FLRT1: variants seen among roughly 807,000 people sequenced by gnomAD.
FLRT1 encodes the protein leucine-rich repeat transmembrane protein FLRT1.
Under a neutral mutation model 30.9 loss-of-function variants are expected in FLRT1, and 14 were observed. The observed-to-expected ratio is 0.45, with a 90% confidence interval of 0.30 to 0.71. The LOEUF is 0.71. Among genes scored for constraint, FLRT1 ranks in the 30% least tolerant of loss-of-function variants. The pLI, the probability that FLRT1 is intolerant of heterozygous loss-of-function variation, is 0.08. For missense variants in FLRT1, 737 were observed against 949.2 expected (o/e 0.78, Z 2.94); for synonymous variants, 368 against 430.4 (o/e 0.85, Z 1.80).
intron 1 of FLRT1, among the ~76,000 whole-genome samples, chr11:64,085,160 T>C (rs1008370589): frequency 2.0e-5 from 3 of 152,182 alleles, no homozygotes; most frequent in Admixed American, 1.3e-4. Context: ...GGATGGGGCT[T>C]GAGGGCAGAG....
chr11:64,083,516 T>C (rs1466186175), intron 1 of FLRT1, among the ~76,000 whole-genome samples: 2 of 152,216 alleles, frequency 1.3e-5, no homozygotes, highest in South Asian at 4.1e-4. Context: ...CCTGGCTTTT[T>C]TCCATCCCGT....
At chr11:64,040,222 C>T (rs899294288) in intron 1 of FLRT1, among the ~76,000 whole-genome samples, 1 of 147,482 alleles carries the variant, frequency 6.8e-6, no homozygotes, top group African/African-American at 2.5e-5. Flanking sequence ...TCTGAAGGCG[C>T]AAAGTGGTGA....
intron 1 of FLRT1, among the ~76,000 whole-genome samples, chr11:64,050,195 C>T (rs929019926): frequency 6.6e-6 from 1 of 152,114 alleles, no homozygotes; most frequent in African/African-American, 2.4e-5. Context: ...CCCTCCCTCC[C>T]TAGACCCCAG....
chr11:64,093,105 G>C (rs927751162), intron 1 of FLRT1, among the ~76,000 whole-genome samples: 10 of 152,192 alleles, frequency 6.6e-5, no homozygotes, highest in African/African-American at 2.4e-4. Flanking sequence ...CCCTGGGCAG[G>C]CTCCTGAATA....
At chr11:64,105,267 G>A (rs1285685119) in intron 2 of FLRT1, among the ~76,000 whole-genome samples, 4 of 152,192 alleles carry the variant, frequency 2.6e-5, no homozygotes, top group Admixed American at 6.5e-5. Flanking sequence ...TGCCCCTCTA[G>A]TCCCTAGGAG....
chr11:64,067,499 G>A lies in FLRT1; in HGVS notation c.-1038+31340G>A, dbSNP rs910178278. On this transcript the variant is annotated intron_variant, in intron 1 of 2. Coordinates refer to ENST00000682287, the MANE Select transcript of FLRT1 (RefSeq NM_013280.5). The surrounding 1 kb of genome is among the most constrained non-coding windows in gnomAD (Gnocchi z 4.6). ...AGAAGGGAGGAGATAGGTCGGGGACGGGGACAGACGGCACCTCCCCAACTC... is the reference window on the plus strand; with the variant it reads ...AGAAGGGAGGAGATAGGTCGGGGACAGGGACAGACGGCACCTCCCCAACTC... Among the ~76,000 whole-genome samples, 5 of 152,192 alleles carry A rather than the reference G, an allele frequency of 3.3e-5. No homozygotes were observed. The highest frequency in any genetic ancestry group is 2.1e-4 in the South Asian group (1 of 4,820).
At chr11:64,057,904 G>A (rs1943820537) in intron 1 of FLRT1, among the ~76,000 whole-genome samples, 2 of 152,208 alleles carry the variant, frequency 1.3e-5, no homozygotes, top group Non-Finnish European at 2.9e-5. Flanking sequence ...ACTCATGTGG[G>A]TGCAACCCCA....
In FLRT1 at chr11:64,114,194, A is replaced by AGATG. The variant is rs1224090833; in HGVS notation, c.-49-2004_-49-2001dup. Among the ~76,000 whole-genome samples, 10 of 119,062 alleles carry AGATG rather than the reference A, an allele frequency of 8.4e-5. No individual in the cohort carries two copies. In the East Asian group the frequency reaches 8.8e-4, roughly 11 times the overall value. 78.1% of individuals were successfully genotyped at this position (119,062 alleles called of 152,430 possible). ...TGGATGCCTGGATGGATGGATGGTT[A>AGATG]GATGGATGGATGGATGGATGGATGA... On this transcript the variant is annotated intron_variant, in intron 2 of 2. Coordinates refer to ENST00000682287, the MANE Select transcript of FLRT1 (RefSeq NM_013280.5).
Position 64,048,645 on chromosome 11 carries a change from G to A in FLRT1, c.-1038+12486G>A, listed in dbSNP as rs574699737. Among the ~76,000 whole-genome samples, 88 of 152,260 alleles carry A rather than the reference G, an allele frequency of 5.8e-4. 2 individuals are homozygous for A. The highest frequency in any genetic ancestry group is 5.6e-3 in the Admixed American group (85 of 15,306). ...GTTCCTGCCGCTAAGCACTTTATGC[G>A]TCATCACCGATTCCTTAAAGCAGCC... On this transcript the variant is annotated intron_variant, in intron 1 of 2. Transcript: ENST00000682287.
chr11:64,049,170 C>T (rs992906208), intron 1 of FLRT1, among the ~76,000 whole-genome samples: 2 of 152,162 alleles, frequency 1.3e-5, no homozygotes, highest in Non-Finnish European at 2.9e-5. Context: ...TGGGGGACTT[C>T]AGGGCTGAGC....
chr11:64,117,194 G>A lies in FLRT1; in HGVS notation c.927G>A (p.Leu309=). The change falls in exon 3 of 3, where the codon CTG becomes CTA. Residue 309 remains leucine, a synonymous_variant. Coordinates refer to ENST00000682287, the MANE Select transcript of FLRT1 (RefSeq NM_013280.5). ...LDLSNNNLTT[L]PRGLFDDLGN... ...TGTCCAACAACAACCTGACCACGCT[G>A]CCCCGCGGCCTGTTCGACGACCTGG... 1 of 1,614,066 alleles carries A rather than the reference G, an allele frequency of 6.2e-7. No homozygotes were observed. The highest frequency in any genetic ancestry group is 1.1e-5 in the South Asian group (1 of 91,076).
intron 2 of FLRT1, among the ~76,000 whole-genome samples, chr11:64,112,197 C>A (rs1261282663): frequency 4.6e-5 from 7 of 152,114 alleles, no homozygotes; most frequent in Non-Finnish European, 7.4e-5. Flanking sequence ...GTAGAGCGTA[C>A]CTTCTAGTGG....
chr11:64,097,199 T>C (rs1379131821), intron 1 of FLRT1, among the ~76,000 whole-genome samples: 1 of 152,162 alleles, frequency 6.6e-6, no homozygotes, highest in Non-Finnish European at 1.5e-5. Flanking sequence ...GAACTGGGCC[T>C]CCAGACCCCC....
chr11:64,079,685 G>C (rs1346729023), intron 1 of FLRT1, among the ~76,000 whole-genome samples: 3 of 152,128 alleles, frequency 2.0e-5, no homozygotes, highest in African/African-American at 7.2e-5. Context: ...GAGGAGGTGT[G>C]GTTGGGGAAA....
intron 1 of FLRT1, among the ~76,000 whole-genome samples, chr11:64,102,590 C>T (rs1239740111): frequency 3.3e-5 from 5 of 152,194 alleles, no homozygotes; most frequent in African/African-American, 9.7e-5. Flanking sequence ...TGGCCCTGCA[C>T]GGCCAGGAGC....
intron 2 of FLRT1, among the ~76,000 whole-genome samples, chr11:64,115,687 G>A (rs967415021): frequency 3.3e-5 from 5 of 152,130 alleles, no homozygotes; most frequent in Non-Finnish European, 5.9e-5. Context: ...TGAGCTCCTG[G>A]GCCTTCCAGC....
chr11:64,073,746 C>G (rs1222073859), intron 1 of FLRT1, among the ~76,000 whole-genome samples: 2 of 152,222 alleles, frequency 1.3e-5, no homozygotes, highest in East Asian at 1.9e-4. Flanking sequence ...GGAGTAAAAG[C>G]TGGGCCTCGG....
chr11:64,097,153 G>GGAACCCTC (rs1178753775), intron 1 of FLRT1, among the ~76,000 whole-genome samples: 1 of 152,220 alleles, frequency 6.6e-6, no homozygotes, highest in African/African-American at 2.4e-5. Flanking sequence ...CTTCAGCTAG[G>GGAACCCTC]GAACCCTCCC....
chr11:64,046,386 C>T (rs1232122941), intron 1 of FLRT1, among the ~76,000 whole-genome samples: 1 of 152,144 alleles, frequency 6.6e-6, no homozygotes, highest in Non-Finnish European at 1.5e-5. Flanking sequence ...CAGGCTGGCC[C>T]TGGGTTCCCA....
Sources: allele counts gnomAD v4.1 joint callset (sites outside exome capture counted in the v4.1 genomes callset), GRCh38; gene constraint gnomAD v4.1.1; non-coding constraint Gnocchi (gnomAD v3.1); transcripts MANE v1.5; gene names NCBI Gene and HGNC (gene_info 2026-07-23, HGNC 2026-07-21).